Variants in LRRC4C observed in about 807,000 individuals in gnomAD.
LRRC4C encodes leucine-rich repeat-containing protein 4C.
LRRC4C carries 5 observed loss-of-function variants against 33.6 expected under a neutral mutation model. The observed-to-expected ratio is 0.15, with a 90% CI of 0.08 to 0.31. The LOEUF is 0.31. Among genes scored for constraint, LRRC4C ranks in the 10% least tolerant of loss-of-function variants. The pLI, the probability that LRRC4C is intolerant of heterozygous loss-of-function variation, is 1.00. For missense variants in LRRC4C, 560 were observed against 796.7 expected (o/e 0.70, Z 3.58); for synonymous variants, 329 against 302.0 (o/e 1.09, Z -0.93).
intron 1 of LRRC4C, among the ~76,000 whole-genome samples, chr11:41,068,190 C>T (rs1431555063): frequency 6.6e-6 from 1 of 152,120 alleles, no homozygotes; most frequent in Non-Finnish European, 1.5e-5. Flanking sequence ...GTCAGGAGTT[C>T]AAGACCAGCC....
chr11:41,028,759 C>T (rs1856540472), intron 1 of LRRC4C, among the ~76,000 whole-genome samples: 2 of 151,476 alleles, frequency 1.3e-5, no homozygotes, highest in Admixed American at 1.3e-4. Flanking sequence ...GTGTTTGTTC[C>T]CTTATGCTTG....
intron 3 of LRRC4C, among the ~76,000 whole-genome samples, chr11:40,370,145 G>T (rs76632132): frequency 0.053 from 8,022 of 152,188 alleles, 670 homozygotes; most frequent in African/African-American, 0.18. Context: ...TTTGCTGAGT[G>T]AAATCTAGGC....
At chr11:41,234,506 A>C (rs140140985) in intron 1 of LRRC4C, among the ~76,000 whole-genome samples, 2 of 152,152 alleles carry the variant, frequency 1.3e-5, no homozygotes, top group East Asian at 3.9e-4. Context: ...TTCTTTGACC[A>C]ATATCAGAAC....
chr11:41,067,077 A>G (rs1452108594), intron 1 of LRRC4C, among the ~76,000 whole-genome samples: 2 of 152,206 alleles, frequency 1.3e-5, no homozygotes, highest in Non-Finnish European at 2.9e-5. Flanking sequence ...TATTAACAGT[A>G]CATGTAAATG....
At chr11:40,841,048 T>A (rs1007229787) in intron 2 of LRRC4C, among the ~76,000 whole-genome samples, 1 of 152,190 alleles carries the variant, frequency 6.6e-6, no homozygotes. Flanking sequence ...TTAGAAAATA[T>A]AAAAAGAAAG....
chr11:40,396,888 T>A (rs1590603022), intron 3 of LRRC4C, among the ~76,000 whole-genome samples: 1 of 152,218 alleles, frequency 6.6e-6, no homozygotes, highest in Admixed American at 6.6e-5. Flanking sequence ...GAGGGCATTC[T>A]GTTTGAGTTA....
chr11:40,785,033 C>T (rs566981341), intron 2 of LRRC4C, among the ~76,000 whole-genome samples: 56 of 152,192 alleles, frequency 3.7e-4, no homozygotes, highest in East Asian at 9.7e-4. Context: ...AATGATAAAG[C>T]CCTGCTCATT....
At chr11:40,487,072 T>C (rs1199763428) in intron 3 of LRRC4C, among the ~76,000 whole-genome samples, 1 of 152,074 alleles carries the variant, frequency 6.6e-6, no homozygotes, top group Non-Finnish European at 1.5e-5. Flanking sequence ...TATTTCTCTT[T>C]ATTTTCTGTG....
chr11:40,507,212 A>C (rs924747413), intron 3 of LRRC4C, among the ~76,000 whole-genome samples: 8 of 152,124 alleles, frequency 5.3e-5, no homozygotes, highest in Non-Finnish European at 1.2e-4. Context: ...TAAATAGTTT[A>C]AAGACTGAGA....
chr11:40,653,075 G>A (rs1187878496), intron 2 of LRRC4C, among the ~76,000 whole-genome samples: 1 of 152,184 alleles, frequency 6.6e-6, no homozygotes, highest in Non-Finnish European at 1.5e-5. Context: ...GAAGAACTGT[G>A]AGTCAATTAA....
At chr11:41,266,277 T>C (rs1245736207) in intron 1 of LRRC4C, among the ~76,000 whole-genome samples, 1 of 152,130 alleles carries the variant, frequency 6.6e-6, no homozygotes, top group African/African-American at 2.4e-5. Context: ...CCTGATACTT[T>C]ACAACTTTGC....
chr11:41,238,000 T>C (rs1948096262), intron 1 of LRRC4C, among the ~76,000 whole-genome samples: 3 of 152,204 alleles, frequency 2.0e-5, no homozygotes, highest in African/African-American at 4.8e-5. Flanking sequence ...ACTCCAAGTA[T>C]ATAAATACCC....
At chr11:40,522,430 T>G (rs945531512) in intron 3 of LRRC4C, among the ~76,000 whole-genome samples, 7 of 152,134 alleles carry the variant, frequency 4.6e-5, no homozygotes, top group African/African-American at 1.4e-4. Context: ...TTCCCAAGTG[T>G]TGTGTGAGGG....
chr11:41,391,024 A>C (rs927574705), intron 1 of LRRC4C, among the ~76,000 whole-genome samples: 2 of 151,000 alleles, frequency 1.3e-5, no homozygotes, highest in Non-Finnish European at 2.9e-5. Context: ...CCATATAAGT[A>C]AGCATTTTGT....
At chr11:41,304,023 G>A (rs1376219468) in intron 1 of LRRC4C, among the ~76,000 whole-genome samples, 1 of 73,772 alleles carries the variant, frequency 1.4e-5, no homozygotes, top group Non-Finnish European at 3.3e-5. Context: ...CGCCCGGCCA[G>A]CCGCCCCATC....
rs183230378 is a variant in LRRC4C, at chr11:40,625,829, C to T, written c.-270+22313G>A. On this transcript the variant is annotated intron_variant, in intron 3 of 6. Transcript: ENST00000528697. ...CTGTCATCACTTCCACTATAACAAA[C>T]CTTTTCCAAACACCTCTTCTTTTTT... Among the ~76,000 whole-genome samples, 13 of 152,194 alleles carry T rather than the reference C, an allele frequency of 8.5e-5. No individual in the cohort carries two copies. In the East Asian group the frequency reaches 2.3e-3, roughly 27 times the overall value.
At chr11:40,241,198 T>C (rs1474557157) in intron 5 of LRRC4C, among the ~76,000 whole-genome samples, 1 of 151,900 alleles carries the variant, frequency 6.6e-6, no homozygotes, top group Admixed American at 6.6e-5. Context: ...CTGCAAAACA[T>C]AGCAAGAGCC....
chr11:41,401,472 A>C (rs2138108822), intron 1 of LRRC4C, among the ~76,000 whole-genome samples: 1 of 139,350 alleles, frequency 7.2e-6, no homozygotes, highest in Non-Finnish European at 1.7e-5. Context: ...AAGCATAACT[A>C]AAGCAAGGTC....
At chr11:40,582,991 T>G (rs1191297748) in intron 3 of LRRC4C, among the ~76,000 whole-genome samples, 1 of 152,218 alleles carries the variant, frequency 6.6e-6, no homozygotes, top group Non-Finnish European at 1.5e-5. Context: ...TCCTAGTTAT[T>G]TTGAAATATA....
Sources: gnomAD v4.1 joint callset for allele counts (sites outside exome capture counted in the v4.1 genomes callset) on GRCh38, gnomAD v4.1.1 for gene constraint, MANE v1.5 for transcripts, NCBI Gene and HGNC (gene_info 2026-07-23, HGNC 2026-07-21) for gene names.